Variants in TOP1MT observed in about 807,000 individuals in gnomAD.
The protein encoded by TOP1MT is DNA topoisomerase I, mitochondrial.
A neutral mutation model predicts 73.9 loss-of-function variants in TOP1MT; 80 were observed. The ratio of observed to expected loss-of-function variants is 1.08; its 90% CI spans 0.90 to 1.30. The LOEUF is 1.30. TOP1MT is among the 50% of genes most tolerant of loss of function. The probability of loss-of-function intolerance (pLI) is 0.00; values close to 1 mark genes in which losing one functional copy is unlikely to be tolerated. For synonymous variants in TOP1MT, 338 were observed against 326.4 expected (o/e 1.04, Z -0.38); for missense variants, 815 against 808.0 (o/e 1.01, Z -0.10).
At chr8:143,313,184 TG>T (rs1816057884) in intron 12 of TOP1MT, among the ~76,000 whole-genome samples, 2 of 152,304 alleles carry the variant, frequency 1.3e-5, no homozygotes, top group African/African-American at 4.8e-5. Flanking sequence ...TTCATGGCCT[TG>T]GGTTAGGCAA....
chr8:143,324,546 C>G lies in TOP1MT; in HGVS notation c.755G>C (p.Trp252Ser), dbSNP rs769477887. The change falls in exon 6 of 14, where the codon TGG (tryptophan) becomes TCG (serine). Residue 252 changes from tryptophan to serine, a missense_variant. Physicochemically the swap from Trp to Ser is radical, Grantham distance 177. Coordinates refer to ENST00000329245, the MANE Select transcript of TOP1MT (RefSeq NM_052963.3). ...SDNTVTWLAA[W>S]TESVQNSIKY... ...GATGGAGTTCTGAACGCTCTCGGTC[C>G]AAGCTGCCAGCCACGTGACGGTGTT... The G allele has an allele frequency of 8.1e-6, 13 of 1,613,774 alleles. No individual in the cohort carries two copies. The highest frequency in any genetic ancestry group is 4.4e-5 in the South Asian group (4 of 91,086).
chr8:143,334,637 GA>G lies in TOP1MT; in HGVS notation c.122+102del, dbSNP rs1816942561. 5 of 1,500,362 alleles carry G rather than the reference GA, an allele frequency of 3.3e-6. No individual in the cohort carries two copies. In the South Asian group the frequency reaches 3.6e-5, roughly 11 times the overall value. 92.9% of individuals were successfully genotyped at this position (1,500,362 alleles called of 1,614,324 possible). Reference sequence around the variant, plus strand: ...CCTGGCCCGACTTTTGGGAAAACCGGAAGCAGGGCAAGGCCGTCCCACGAGG... The same window carrying G: ...CCTGGCCCGACTTTTGGGAAAACCGGAGCAGGGCAAGGCCGTCCCACGAGG... On this transcript the variant is annotated intron_variant, in intron 1 of 13. Coordinates refer to ENST00000329245, the MANE Select transcript of TOP1MT (RefSeq NM_052963.3).
At position 143,342,652 on chromosome 8, in the gene TOP1MT, ATTAT is replaced by A. The variant is rs1817137745; in HGVS notation, c.29+564_29+567del. The stretch of plus-strand genomic sequence containing the variant: ...GAGACAGTCTCGCTCTATTATTATT[ATTAT>A]TATTAGAGACAGTCTCGCTCTATTA... On this transcript the variant is annotated intron_variant, in intron 2 of 5. Transcript: ENST00000518007. 6.8e-5 allele frequency among the ~76,000 whole-genome samples: 2 copies of A among 29,312 alleles called. 1 individual carries two copies. The highest frequency in any genetic ancestry group is 1.8e-3 in the East Asian group (2 of 1,092). 19.2% of individuals were successfully genotyped at this position (29,312 alleles called of 152,430 possible). A position where few individuals can be genotyped will look rare whatever the true frequency, so the allele number is the denominator to read the frequency against.
intron 12 of TOP1MT, among the ~76,000 whole-genome samples, chr8:143,315,299 T>C (rs544595843): frequency 6.6e-6 from 1 of 152,276 alleles, no homozygotes; most frequent in Non-Finnish European, 1.5e-5. Context: ...TAGATAGCAG[T>C]AGAAAATTAG....
chr8:143,338,720 C>G (rs1232449178), upstream of TOP1MT, among the ~76,000 whole-genome samples: 2 of 152,232 alleles, frequency 1.3e-5, no homozygotes, highest in African/African-American at 4.8e-5. Flanking sequence ...AGTGAGGTCA[C>G]CTCACACCTG....
chr8:143,351,691 TCTGAAAA>T (rs1303411292), intron 1 of TOP1MT, among the ~76,000 whole-genome samples: 2 of 152,136 alleles, frequency 1.3e-5, no homozygotes, highest in African/African-American at 4.8e-5. Context: ...AAGCTTATAC[TCTGAAAA>T]CTGTAAAACA....
intron 7 of TOP1MT, among the ~76,000 whole-genome samples, 181 bp from the exon 8 acceptor site, chr8:143,321,567 G>T (rs1187918919): frequency 2.3e-5 from 1 of 43,386 alleles, no homozygotes. Context: ...CCACACACAC[G>T]CACGCCACAC....
At chr8:143,329,245 G>C in intron 3 of TOP1MT, 105 bp downstream of exon 3, 1 of 1,291,500 alleles carries the variant, frequency 7.7e-7, no homozygotes, top group East Asian at 2.6e-5. Flanking sequence ...GTCACACAGG[G>C]GCCACCGAGA....
chr8:143,322,688 G>GCATGCCA (rs1816509140), intron 7 of TOP1MT, among the ~76,000 whole-genome samples: 7 of 47,192 alleles, frequency 1.5e-4, no homozygotes, highest in African/African-American at 8.5e-4. Flanking sequence ...CGCCACACAC[G>GCATGCCA]CACGCCACAC....
chr8:143,321,796 C>CTACA (rs1554620065), intron 7 of TOP1MT, among the ~76,000 whole-genome samples: 2 of 39,552 alleles, frequency 5.1e-5, no homozygotes, highest in African/African-American at 1.3e-4. Flanking sequence ...CACACGCACG[C>CTACA]CACACACGCA....
rs1318607295 is a variant in TOP1MT, at chr8:143,341,812, G to GCTTCCTT, written c.29+1401_29+1407dup. 6.6e-6 allele frequency among the ~76,000 whole-genome samples: 1 copy of GCTTCCTT among 151,482 alleles called. No homozygotes were observed. The highest frequency in any genetic ancestry group is 1.5e-5 in the Non-Finnish European group (1 of 67,924). On this transcript the variant is annotated intron_variant, in intron 2 of 5. Coordinates refer to the TOP1MT transcript ENST00000518007. The surrounding 1 kb of genome is among the most constrained non-coding windows in gnomAD (Gnocchi z 4.1). ...TCCCGACACCACTGCCCCATCTAGT[G>GCTTCCTT]CTTCCTTCTTCCTTCTTCTTCCTCT...
chr8:143,319,039 C>T (rs939627819), intron 8 of TOP1MT, among the ~76,000 whole-genome samples: 59 of 152,312 alleles, frequency 3.9e-4, no homozygotes, highest in Non-Finnish European at 6.8e-4. Context: ...CAGGCCTGCA[C>T]CACAGCCGAT....
chr8:143,354,689 G>A (rs896288630), intron 1 of TOP1MT, among the ~76,000 whole-genome samples: 1 of 151,658 alleles, frequency 6.6e-6, no homozygotes, highest in African/African-American at 2.4e-5. Flanking sequence ...TCCAGCCTGG[G>A]CAGCAAGAGT....
intron 2 of TOP1MT, 62 bp from the exon 3 acceptor site, chr8:143,329,533 A>G: frequency 1.3e-6 from 2 of 1,574,838 alleles, no homozygotes; most frequent in East Asian, 2.3e-5. Context: ...TCCAGCTGAC[A>G]TGACCTCATT....
chr8:143,348,839 T>TGGTGCCCTGAGGCAGGAGCCC (rs1237545609), upstream of TOP1MT, among the ~76,000 whole-genome samples: 59 of 152,138 alleles, frequency 3.9e-4, no homozygotes, highest in Admixed American at 1.5e-3. The surrounding 1 kb of genome is among the most constrained non-coding windows in gnomAD (Gnocchi z 4.6). Flanking sequence ...CCCAGGAGCC[T>TGGTGCCCTGAGGCAGGAGCCC]GGTGCCCTGA....
upstream of TOP1MT, among the ~76,000 whole-genome samples, chr8:143,345,897 C>T (rs1817212343): frequency 6.6e-6 from 1 of 152,136 alleles, no homozygotes; most frequent in African/African-American, 2.4e-5. Flanking sequence ...CTGATTCTGC[C>T]CTATCAGCAC....
chr8:143,314,424 C>G, intron 12 of TOP1MT, among the ~76,000 whole-genome samples: 1 of 151,812 alleles, frequency 6.6e-6, no homozygotes, highest in East Asian at 1.9e-4. Flanking sequence ...GGAGAAACCC[C>G]GTTTCTACTA....
chr8:143,327,567 G>A lies in TOP1MT; in HGVS notation c.361-1223C>T, dbSNP rs79494414. 6.4e-4 allele frequency: 117 copies of A among 181,700 alleles called. 1 individual carries two copies. In the East Asian group the frequency reaches 0.017, roughly 27 times the overall value. The allele number at this position is 181,700 out of a possible 1,614,324, so 11.3% of individuals were successfully genotyped here. On this transcript the variant is annotated intron_variant, in intron 3 of 13. Transcript: ENST00000329245. ...TGGAGCCCTGCTCGGCCACAACCAC[G>A]GGCTCAGGGTCCGTCCCTGTGTCTC...
At chr8:143,345,790 T>C (rs547877641), upstream of TOP1MT, among the ~76,000 whole-genome samples, 1 of 152,340 alleles carries the variant, frequency 6.6e-6, no homozygotes, top group African/African-American at 2.4e-5. Context: ...CGACACTTTT[T>C]CTAAATTGAA....
Sources: gnomAD v4.1 joint callset for allele counts (sites outside exome capture counted in the v4.1 genomes callset) on GRCh38, gnomAD v4.1.1 for gene constraint, Gnocchi (gnomAD v3.1) non-coding constraint, MANE v1.5 for transcripts, NCBI Gene and HGNC (gene_info 2026-07-23, HGNC 2026-07-21) for gene names.